UTRN: variants seen among roughly 807,000 people sequenced by gnomAD.
UTRN encodes the protein utrophin, also known as dystrophin-related protein 1.
A neutral mutation model predicts 463.9 loss-of-function variants in UTRN; 283 were observed. That is an observed-to-expected ratio of 0.61 (90% CI 0.55 to 0.67). The LOEUF (loss-of-function observed/expected upper bound fraction) is 0.67. Ranked by LOEUF, UTRN falls within the 30% of genes least tolerant of loss-of-function variation. The pLI, the probability that UTRN is intolerant of heterozygous loss-of-function variation, is 0.00. For missense variants in UTRN, 3,922 were observed against 4,084.3 expected, an observed-to-expected ratio of 0.96 and a Z score of 1.08; for synonymous variants, 1,442 against 1,431.5, an observed-to-expected ratio of 1.01 and a Z score of -0.17.
chr6:144,572,741 G>A (rs1219719859), intron 50 of UTRN, among the ~76,000 whole-genome samples: 1 of 152,086 alleles, frequency 6.6e-6, no homozygotes, highest in Non-Finnish European at 1.5e-5. Context: ...TCTTTTTTAT[G>A]GCTGCATAGT....
At chr6:144,401,951 A>G (rs916303937) in intron 2 of UTRN, among the ~76,000 whole-genome samples, 7 of 152,232 alleles carry the variant, frequency 4.6e-5, no homozygotes, top group Non-Finnish European at 8.8e-5. Flanking sequence ...GGCAGGACAC[A>G]CATATGGATG....
intron 1 of UTRN, among the ~76,000 whole-genome samples, chr6:144,291,028 C>G (rs375356127): frequency 7.9e-4 from 120 of 152,064 alleles, no homozygotes; most frequent in African/African-American, 2.7e-3. Flanking sequence ...CCTGCCTCGG[C>G]CTCCCAAAGT....
chr6:144,574,439 A>G (rs1163622438), intron 50 of UTRN, among the ~76,000 whole-genome samples: 1 of 152,178 alleles, frequency 6.6e-6, no homozygotes, highest in Non-Finnish European at 1.5e-5. Context: ...ATAGTATTCC[A>G]TTGTATCCCT....
At position 144,429,575 on chromosome 6, in the gene UTRN, T is replaced by A. The variant is rs754423892; in HGVS notation, c.695-6T>A. On this transcript the variant is annotated splice_polypyrimidine_tract_variant and splice_region_variant and intron_variant, in intron 8 of 74. Transcript: ENST00000367545. Reference sequence around the variant, plus strand: ...TAAGCTGGTTCTTATATTCTTCCACTTTTAGATGTTGCCGTTCAGCTTCCT... The same window carrying A: ...TAAGCTGGTTCTTATATTCTTCCACATTTAGATGTTGCCGTTCAGCTTCCT... The A allele has an allele frequency of 2.5e-6, 4 of 1,597,782 alleles. No individual in the cohort carries two copies. Among genetic ancestry groups the A allele is most frequent in the Non-Finnish European group, 2.6e-6 (3 of 1,172,922 alleles).
At chr6:144,526,812 G>T (rs188601133) in intron 41 of UTRN, among the ~76,000 whole-genome samples, 4 of 131,914 alleles carry the variant, frequency 3.0e-5, no homozygotes, top group African/African-American at 5.7e-5. Context: ...TATTGTTGTT[G>T]TTGTTGACAG....
At chr6:144,527,705 T>C (rs1796684191) in intron 41 of UTRN, among the ~76,000 whole-genome samples, 3 of 152,232 alleles carry the variant, frequency 2.0e-5, no homozygotes, top group Non-Finnish European at 4.4e-5. Flanking sequence ...TTTTTCTTTT[T>C]CTTTGTCAGA....
chr6:144,843,506 A>G (rs533273125), intron 73 of UTRN, among the ~76,000 whole-genome samples: 2 of 152,346 alleles, frequency 1.3e-5, no homozygotes, highest in South Asian at 2.1e-4. Context: ...AGGTAAATGT[A>G]TGTATCTCTT....
chr6:144,567,578 C>T (rs1391205533), intron 50 of UTRN, among the ~76,000 whole-genome samples: 1 of 152,028 alleles, frequency 6.6e-6, no homozygotes, highest in Non-Finnish European at 1.5e-5. Context: ...TGCATTTTTC[C>T]CCACAGCATG....
intron 48 of UTRN, among the ~76,000 whole-genome samples, chr6:144,553,920 A>AC (rs1328893234): frequency 6.6e-6 from 1 of 151,710 alleles, no homozygotes; most frequent in Non-Finnish European, 1.5e-5. Flanking sequence ...TCTCTCAAAA[A>AC]AAAAAAAAAA....
At chr6:144,577,313 G>C (rs964815390) in intron 51 of UTRN, 25 bp downstream of exon 51, 2 of 1,609,414 alleles carry the variant, frequency 1.2e-6, no homozygotes, top group African/African-American at 2.7e-5. Context: ...AACCACACCA[G>C]TACCTGTGTT....
chr6:144,773,575 T>G (rs1023939079), intron 59 of UTRN, among the ~76,000 whole-genome samples: 4 of 152,210 alleles, frequency 2.6e-5, no homozygotes, highest in African/African-American at 9.6e-5. Context: ...TTACCTGACA[T>G]GAGAACCTTC....
intron 4 of UTRN, among the ~76,000 whole-genome samples, chr6:144,422,775 T>G (rs1285129993): frequency 6.6e-6 from 1 of 152,260 alleles, no homozygotes; most frequent in African/African-American, 2.4e-5. Flanking sequence ...AGAGGATGCA[T>G]GTATGGGTAC....
chr6:144,738,511 G>C (rs1008331865), intron 54 of UTRN, among the ~76,000 whole-genome samples: 2 of 152,154 alleles, frequency 1.3e-5, no homozygotes, highest in African/African-American at 4.8e-5. Context: ...ACCACATACA[G>C]ATGCAGGCAG....
At chr6:144,436,247 G>A (rs1786525469) in intron 10 of UTRN, 109 bp downstream of exon 10, 1 of 1,164,886 alleles carries the variant, frequency 8.6e-7, no homozygotes, top group African/African-American at 1.5e-5. Flanking sequence ...CTTTGGAAAG[G>A]TCAATGGTTT....
intron 34 of UTRN, among the ~76,000 whole-genome samples, chr6:144,505,895 T>C (rs1306338540): frequency 6.6e-6 from 1 of 152,212 alleles, no homozygotes; most frequent in Non-Finnish European, 1.5e-5. Flanking sequence ...TCTAAGTCTC[T>C]TTGTAGGTCT....
chr6:144,757,777 TG>T (rs1431718669), intron 57 of UTRN, 151 bp from the exon 58 acceptor site: 17 of 583,702 alleles, frequency 2.9e-5, no homozygotes, highest in African/African-American at 2.7e-4. Flanking sequence ...AGCCATTTTT[TG>T]TTTGGCCCAG....
At chr6:144,351,812 A>G (rs1778133341) in intron 2 of UTRN, among the ~76,000 whole-genome samples, 1 of 152,230 alleles carries the variant, frequency 6.6e-6, no homozygotes, top group Non-Finnish European at 1.5e-5. Context: ...GCTGTGTGGC[A>G]CTTGTAAGAT....
chr6:144,310,284 C>T (rs771714713), intron 2 of UTRN, among the ~76,000 whole-genome samples: 11 of 151,678 alleles, frequency 7.3e-5, no homozygotes, highest in Non-Finnish European at 1.3e-4. Flanking sequence ...TGCCTGTAAT[C>T]CCAGCACTTT....
chr6:144,320,246 A>G (rs1222793499), intron 2 of UTRN, among the ~76,000 whole-genome samples: 1 of 152,214 alleles, frequency 6.6e-6, no homozygotes, highest in Non-Finnish European at 1.5e-5. Flanking sequence ...GTGAAGATTA[A>G]ATGAGTTCAA....
Sources: gnomAD v4.1 joint callset for allele counts (sites outside exome capture counted in the v4.1 genomes callset) on GRCh38, gnomAD v4.1.1 for gene constraint, MANE v1.5 for transcripts, NCBI Gene and HGNC (gene_info 2026-07-23, HGNC 2026-07-21) for gene names.